Variants in KDM2A observed in about 807,000 individuals in gnomAD.
KDM2A encodes the protein lysine demethylase 2A.
Under a neutral mutation model 137.3 loss-of-function variants are expected in KDM2A, and 3 were observed. The observed-to-expected ratio is 0.02, with a 90% CI of 0.01 to 0.06. The LOEUF is 0.06. KDM2A is among the 10% of genes least tolerant of loss of function. KDM2A has a pLI of 1.00. For missense variants in KDM2A, 738 were observed against 1,510.6 expected, an observed-to-expected ratio of 0.49 and a Z score of 8.48; for synonymous variants, 512 against 541.5, an observed-to-expected ratio of 0.95 and a Z score of 0.76.
At chr11:67,234,824 G>T (rs575933919) in intron 12 of KDM2A, among the ~76,000 whole-genome samples, 1 of 152,176 alleles carries the variant, frequency 6.6e-6, no homozygotes, top group African/African-American at 2.4e-5. Context: ...CTGCACTCCA[G>T]TCTGGGCAAA....
intron 2 of KDM2A, among the ~76,000 whole-genome samples, chr11:67,126,707 CAAAAAAAAAA>C (rs765065960): frequency 1.3e-5 from 1 of 75,282 alleles, no homozygotes; most frequent in Non-Finnish European, 3.1e-5. Flanking sequence ...GACTCCATTT[CAAAAAAAAAA>C]AAAAAAAAAG....
At chr11:67,178,430 T>A (rs963281486) in intron 2 of KDM2A, among the ~76,000 whole-genome samples, 8 of 152,020 alleles carry the variant, frequency 5.3e-5, no homozygotes, top group Non-Finnish European at 1.0e-4. Flanking sequence ...AAATAAAGTG[T>A]ACAATCCAGT....
intron 5 of KDM2A, among the ~76,000 whole-genome samples, chr11:67,187,070 C>G (rs2136343953): frequency 6.6e-6 from 1 of 152,196 alleles, no homozygotes; most frequent in Middle Eastern, 3.4e-3. Context: ...TGAAGTCAAA[C>G]TGGTATTAAT....
At chr11:67,143,619 T>TA (rs1409172340) in intron 2 of KDM2A, among the ~76,000 whole-genome samples, 1 of 151,838 alleles carries the variant, frequency 6.6e-6, no homozygotes, top group East Asian at 1.9e-4. Flanking sequence ...GTCTTTCTCT[T>TA]TTTATTTATT....
rs1220569248 is a variant in KDM2A, at chr11:67,168,602, C to T, written c.43-11477C>T. On this transcript the variant is annotated intron_variant, in intron 2 of 20. Transcript: ENST00000529006. ...AATTATACACACACACACACACACACACACACACACACACACACACACACA... is the reference window on the plus strand; with the variant it reads ...AATTATACACACACACACACACACATACACACACACACACACACACACACA... 9.7e-3 allele frequency among the ~76,000 whole-genome samples: 881 copies of T among 90,852 alleles called. 138 individuals are homozygous for T. The highest frequency in any genetic ancestry group is 0.023 in the African/African-American group (243 of 10,524). The allele number at this position is 90,852 out of a possible 152,430, so 59.6% of individuals were successfully genotyped here.
Position 67,254,322 on chromosome 11 carries a change from C to G in KDM2A, c.3211C>G (p.Leu1071Val). ...CATGCCCCTCCTGTCTCGACTCGAC[C>G]TCAGTCACTGCAGCCACCTTACAGA... ...RHMPLLSRLD[L>V]SHCSHLTDQS... The change falls in exon 20 of 21, where the codon CTC (leucine) becomes GTC (valine). Residue 1071 changes from leucine (L) to valine (V), a missense_variant. By Grantham distance (32) the Leu-to-Val change is conservative (BLOSUM62 1). Transcript: ENST00000529006. This position sits in a 1 kb window ranked among gnomAD's most constrained non-coding sequence, Gnocchi z 4.7. 2 of 1,614,068 alleles carry G rather than the reference C, an allele frequency of 1.2e-6. No individual in the cohort carries two copies. Among genetic ancestry groups the G allele is most frequent in the Non-Finnish European group, 1.7e-6 (2 of 1,179,908 alleles).
At chr11:67,170,355 C>T (rs915075013) in intron 2 of KDM2A, among the ~76,000 whole-genome samples, 12 of 149,852 alleles carry the variant, frequency 8.0e-5, no homozygotes, top group Non-Finnish European at 1.6e-4. Context: ...AGGGAAGATC[C>T]TTTGCTAATC....
rs1159482998 is a variant in KDM2A, at chr11:67,255,503, G to A, written c.*448G>A. 2.4e-5 allele frequency: 11 copies of A among 457,416 alleles called. No homozygotes were observed. Among genetic ancestry groups the A allele is most frequent in the East Asian group, 6.9e-5 (1 of 14,436 alleles). 28.3% of individuals were successfully genotyped at this position (457,416 alleles called of 1,614,324 possible). A position where few individuals can be genotyped will look rare whatever the true frequency, so the allele number is the denominator to read the frequency against. ...CAGGTTCTTGTGGTGTCCAGTGCGC[G>A]TCTCTCCTCCATCACACTCTCCCGG... On this transcript the variant is annotated 3_prime_UTR_variant, in exon 21 of 21. Transcript: ENST00000529006.
At chr11:67,193,756 G>T (rs545744546) in intron 5 of KDM2A, among the ~76,000 whole-genome samples, 71 of 152,190 alleles carry the variant, frequency 4.7e-4, no homozygotes, top group Non-Finnish European at 8.4e-4. Flanking sequence ...AACTACTTGG[G>T]AGGCTGAGGC....
chr11:67,210,250 T>C (rs1246713820), intron 6 of KDM2A, among the ~76,000 whole-genome samples: 1 of 151,830 alleles, frequency 6.6e-6, no homozygotes, highest in Non-Finnish European at 1.5e-5. Context: ...TAGTCCCAGC[T>C]ACTCAGGGGG....
chr11:67,235,996 T>A (rs544935826), intron 12 of KDM2A, among the ~76,000 whole-genome samples: 15 of 152,318 alleles, frequency 9.8e-5, no homozygotes, highest in Non-Finnish European at 1.6e-4. Context: ...CATGTAACAG[T>A]ATGTATAGTA....
intron 2 of KDM2A, among the ~76,000 whole-genome samples, chr11:67,162,980 G>GCA: frequency 6.6e-6 from 1 of 152,174 alleles, no homozygotes; most frequent in Non-Finnish European, 1.5e-5. Context: ...AAAGCGTTGG[G>GCA]ATTATAGGCT....
At chr11:67,198,831 T>C (rs1857550068) in intron 5 of KDM2A, among the ~76,000 whole-genome samples, 1 of 152,104 alleles carries the variant, frequency 6.6e-6, no homozygotes, top group Non-Finnish European at 1.5e-5. Flanking sequence ...CAGGCTGGAA[T>C]GCAGTGGCAC....
At chr11:67,158,467 G>C (rs1401775015) in intron 2 of KDM2A, among the ~76,000 whole-genome samples, 2 of 152,126 alleles carry the variant, frequency 1.3e-5, no homozygotes, top group African/African-American at 4.8e-5. Flanking sequence ...GTTTAGTTTT[G>C]TAAGAAGCTG....
chr11:67,168,591 A>ACAC (rs1856804472), intron 2 of KDM2A, among the ~76,000 whole-genome samples: 1 of 30,642 alleles, frequency 3.3e-5, no homozygotes. Context: ...ATACACACAC[A>ACAC]CACACACACA....
rs1384719490 is a variant in KDM2A at position 67,250,451 on chromosome 11, C to G, written c.2421C>G (p.Thr807=). 6.2e-7 allele frequency: 1 copy of G among 1,613,940 alleles called. No homozygotes were observed. The highest frequency in any genetic ancestry group is 1.3e-5 in the African/African-American group (1 of 74,936). The part of the protein sequence containing the change: ...SYLTVTLQRP[T]KELHGTSIVP... ...TCACTGTCACGCTACAGAGGCCCAC[C>G]AAAGAGCTCCACGGGACATCCATTG... is the stretch of plus-strand genomic sequence containing the variant. Residue 807 remains threonine (T), a synonymous_variant, in exon 17 of 21, where the codon ACC becomes ACG. Transcript: ENST00000529006. The surrounding 1 kb of genome is among the most constrained non-coding windows in gnomAD (Gnocchi z 7.1).
chr11:67,147,530 A>G (rs1317169315), intron 2 of KDM2A, among the ~76,000 whole-genome samples: 2 of 150,646 alleles, frequency 1.3e-5, no homozygotes, highest in Admixed American at 1.3e-4. Context: ...CGACAGAGCG[A>G]GACTCCGTCT....
Position 67,254,084 on chromosome 11 carries a change from C to A in KDM2A, c.3092-119C>A, listed in dbSNP as rs1859524333. ...CCCTGAAGGCATGGCTGGGTGTGGG[C>A]AGTTCTACTTAACCCCTTCAAGGGG... On this transcript the variant is annotated intron_variant, in intron 19 of 20. Transcript: ENST00000529006. This position sits in a 1 kb window ranked among gnomAD's most constrained non-coding sequence, Gnocchi z 4.7. 6.4e-6 allele frequency: 5 copies of A among 778,738 alleles called. No homozygotes were observed. Among genetic ancestry groups the A allele is most frequent in the Non-Finnish European group, 1.0e-5 (5 of 490,674 alleles). The allele number at this position is 778,738 out of a possible 1,614,324, so 48.2% of individuals were successfully genotyped here.
intron 2 of KDM2A, among the ~76,000 whole-genome samples, chr11:67,148,535 T>C (rs1856309271): frequency 6.6e-6 from 1 of 152,052 alleles, no homozygotes; most frequent in South Asian, 2.1e-4. Flanking sequence ...GCGTGGTGGC[T>C]CATGCCTGTA....
Sources: allele counts gnomAD v4.1 joint callset (sites outside exome capture counted in the v4.1 genomes callset), GRCh38; gene constraint gnomAD v4.1.1; non-coding constraint Gnocchi (gnomAD v3.1); transcripts MANE v1.5; gene names NCBI Gene and HGNC (gene_info 2026-07-23, HGNC 2026-07-21).